Variants in TINAG observed in about 807,000 individuals in gnomAD.
The protein encoded by TINAG is tubulointerstitial nephritis antigen.
TINAG carries 83 observed loss-of-function variants against 72.7 expected under a neutral mutation model. The ratio of observed to expected loss-of-function variants is 1.14; its 90% confidence interval spans 0.96 to 1.37. The LOEUF (loss-of-function observed/expected upper bound fraction) is 1.37. TINAG is among the 40% of genes most tolerant of loss of function. TINAG has a pLI of 0.00. For synonymous variants in TINAG, 234 were observed against 189.9 expected (o/e 1.23, Z -1.91); for missense variants, 685 against 576.6 (o/e 1.19, Z -1.93).
intron 9 of TINAG, among the ~76,000 whole-genome samples, chr6:54,359,248 T>A (rs968539672): frequency 3.3e-5 from 5 of 151,858 alleles, no homozygotes; most frequent in Non-Finnish European, 4.4e-5. Flanking sequence ...CTACCTAAGT[T>A]CCATTTCCAG....
intron 6 of TINAG, 79 bp downstream of exon 6, chr6:54,347,596 AT>A (rs1213982237): frequency 1.4e-6 from 2 of 1,478,190 alleles, no homozygotes; most frequent in Non-Finnish European, 1.8e-6. Flanking sequence ...TAATCCCAAG[AT>A]TTTTACAAAA....
intron 9 of TINAG, among the ~76,000 whole-genome samples, chr6:54,357,590 G>A (rs542898639): frequency 6.6e-6 from 1 of 151,828 alleles, no homozygotes; most frequent in Non-Finnish European, 1.5e-5. Flanking sequence ...ATTCTCTGCT[G>A]GAAGCCTTGG....
upstream of TINAG, chr6:54,308,393 G>T: frequency 1.5e-6 from 1 of 657,874 alleles, no homozygotes; most frequent in Non-Finnish European, 2.6e-6. Flanking sequence ...CTTGATTAAT[G>T]TTTAACTATG....
At chr6:54,387,295 T>C (rs1387152923) in intron 10 of TINAG, among the ~76,000 whole-genome samples, 1 of 152,162 alleles carries the variant, frequency 6.6e-6, no homozygotes, top group Non-Finnish European at 1.5e-5. Flanking sequence ...TAGAATCTTA[T>C]ACTACTGATG....
intron 9 of TINAG, among the ~76,000 whole-genome samples, chr6:54,371,981 G>GTTTTTTTTTTTTT (rs576340253): frequency 9.8e-5 from 7 of 71,432 alleles, no homozygotes; most frequent in African/African-American, 3.0e-4. Context: ...TTCAAGTCAT[G>GTTTTTTTTTTTTT]TTTTTTTTTT....
chr6:54,332,908 C>T (rs1360812737), intron 4 of TINAG, among the ~76,000 whole-genome samples: 1 of 152,116 alleles, frequency 6.6e-6, no homozygotes, highest in African/African-American at 2.4e-5. Context: ...AAATCAAAAC[C>T]ACAGTGAGAT....
chr6:54,317,366 G>A (rs1784395512), intron 1 of TINAG, among the ~76,000 whole-genome samples: 1 of 151,974 alleles, frequency 6.6e-6, no homozygotes, highest in Admixed American at 6.6e-5. Context: ...GTCATGGGAG[G>A]GACCCAGTGA....
chr6:54,342,767 G>C (rs1043028055), intron 4 of TINAG, among the ~76,000 whole-genome samples: 1 of 152,040 alleles, frequency 6.6e-6, no homozygotes, highest in Non-Finnish European at 1.5e-5. Flanking sequence ...GTTCCTTGGG[G>C]CTCTATACAC....
At chr6:54,355,466 T>G (rs755368362) in intron 9 of TINAG, among the ~76,000 whole-genome samples, 5 of 152,026 alleles carry the variant, frequency 3.3e-5, no homozygotes, top group Admixed American at 6.6e-5. Context: ...TTGAAACACC[T>G]TTAAGTCAGT....
chr6:54,323,123 T>C (rs562970004), intron 3 of TINAG, among the ~76,000 whole-genome samples: 1 of 152,372 alleles, frequency 6.6e-6, no homozygotes, highest in African/African-American at 2.4e-5. Flanking sequence ...CCATGATTTA[T>C]TTATTTTGAG....
chr6:54,319,960 T>C (rs1444635873), intron 1 of TINAG, among the ~76,000 whole-genome samples: 2 of 152,096 alleles, frequency 1.3e-5, no homozygotes, highest in African/African-American at 4.8e-5. Context: ...TCCATCTCTT[T>C]TGAGTAGTTC....
chr6:54,351,849 T>A (rs1785273810), intron 8 of TINAG, among the ~76,000 whole-genome samples: 1 of 151,940 alleles, frequency 6.6e-6, no homozygotes, highest in African/African-American at 2.4e-5. Flanking sequence ...TTCCTTCTAT[T>A]AGCTCAAAAT....
intron 9 of TINAG, among the ~76,000 whole-genome samples, chr6:54,377,946 G>C (rs979620361): frequency 6.6e-6 from 1 of 151,838 alleles, no homozygotes; most frequent in Non-Finnish European, 1.5e-5. Context: ...TAATATCATC[G>C]GGGAAAGAAC....
chr6:54,351,664 A>G (rs1785270347), intron 8 of TINAG, among the ~76,000 whole-genome samples: 1 of 151,936 alleles, frequency 6.6e-6, no homozygotes, highest in Non-Finnish European at 1.5e-5. Context: ...TAACTCCGAA[A>G]TCTTTCCAAA....
At chr6:54,381,461 G>A (rs983741357) in intron 10 of TINAG, among the ~76,000 whole-genome samples, 1 of 151,660 alleles carries the variant, frequency 6.6e-6, no homozygotes, top group African/African-American at 2.4e-5. Flanking sequence ...CAAAGCACTA[G>A]GTGCTAGAAC....
intron 1 of TINAG, among the ~76,000 whole-genome samples, chr6:54,316,906 A>G (rs540745766): frequency 6.6e-6 from 1 of 152,274 alleles, no homozygotes; most frequent in South Asian, 2.1e-4. Flanking sequence ...CTCCAAATAT[A>G]TTATTTGCCT....
chr6:54,318,769 A>G (rs960687614), intron 1 of TINAG, among the ~76,000 whole-genome samples: 3 of 152,124 alleles, frequency 2.0e-5, no homozygotes, highest in Non-Finnish European at 2.9e-5. Context: ...ATTGTAGCAA[A>G]GGAGTGAGTG....
chr6:54,350,566 T>C (rs1012185245), intron 7 of TINAG, among the ~76,000 whole-genome samples: 1 of 150,460 alleles, frequency 6.6e-6, no homozygotes, highest in African/African-American at 2.4e-5. Context: ...ACTAGTCTCT[T>C]TTCCCCAGGT....
intron 1 of TINAG, among the ~76,000 whole-genome samples, chr6:54,312,648 G>T (rs1784284675): frequency 6.6e-6 from 1 of 152,142 alleles, no homozygotes; most frequent in Non-Finnish European, 1.5e-5. Context: ...TGTAGATAAT[G>T]TGGCAATCTA....
Sources: gnomAD v4.1 joint callset for allele counts (sites outside exome capture counted in the v4.1 genomes callset) on GRCh38, gnomAD v4.1.1 for gene constraint, MANE v1.5 for transcripts, NCBI Gene and HGNC (gene_info 2026-07-23, HGNC 2026-07-21) for gene names.